The following MACROD2 variants were observed in gnomAD, a reference collection of about 807,000 sequenced individuals.
MACROD2 encodes mono-ADP ribosylhydrolase 2.
Under a neutral mutation model 70.4 loss-of-function variants are expected in MACROD2, and 36 were observed. The observed-to-expected ratio is 0.51, with a 90% CI of 0.39 to 0.68. The LOEUF is 0.68. Ranked by LOEUF, MACROD2 falls within the 30% of genes least tolerant of loss-of-function variation. The pLI is 0.00. For missense variants in MACROD2, 496 were observed against 538.4 expected (o/e 0.92, Z 0.78); for synonymous variants, 172 against 178.8 (o/e 0.96, Z 0.30).
chr20:15,348,346 G>A (rs1159224819), intron 6 of MACROD2, among the ~76,000 whole-genome samples: 1 of 152,178 alleles, frequency 6.6e-6, no homozygotes, highest in Non-Finnish European at 1.5e-5. Context: ...TAGCATTGTT[G>A]TAATAATGCA....
chr20:15,397,133 G>A (rs1157914201), intron 6 of MACROD2, among the ~76,000 whole-genome samples: 1 of 152,120 alleles, frequency 6.6e-6, no homozygotes, highest in African/African-American at 2.4e-5. Flanking sequence ...ACTTTCCATA[G>A]CAAATTCCAG....
intron 5 of MACROD2, among the ~76,000 whole-genome samples, chr20:15,115,558 TAA>T (rs1383200722): frequency 6.6e-6 from 1 of 152,154 alleles, no homozygotes; most frequent in Non-Finnish European, 1.5e-5. Flanking sequence ...TTCTCATCAC[TAA>T]GTGTTACCCA....
intron 3 of MACROD2, among the ~76,000 whole-genome samples, chr20:14,409,967 T>C (rs4814300): frequency 0.99 from 150,040 of 152,192 alleles, 73,999 homozygotes; most frequent in Middle Eastern, 1. Flanking sequence ...TGAAAGTTTT[T>C]ATTTGCAAGT....
chr20:15,653,658 T>A (rs1277287473), intron 8 of MACROD2, among the ~76,000 whole-genome samples: 1 of 152,184 alleles, frequency 6.6e-6, no homozygotes, highest in Non-Finnish European at 1.5e-5. Flanking sequence ...CTATGACTGC[T>A]GTTGGTCAGG....
intron 5 of MACROD2, among the ~76,000 whole-genome samples, chr20:14,802,239 A>G (rs891476068): frequency 1.3e-5 from 2 of 152,124 alleles, no homozygotes; most frequent in Non-Finnish European, 2.9e-5. Context: ...CATAGAAGGC[A>G]GGAATCTAGT....
chr20:14,540,134 TAA>T (rs1027099686), intron 4 of MACROD2, among the ~76,000 whole-genome samples: 1 of 152,216 alleles, frequency 6.6e-6, no homozygotes, highest in African/African-American at 2.4e-5. Flanking sequence ...CATCATTTTA[TAA>T]AGAGTCCCAA....
Position 15,829,798 on chromosome 20 carries a change from A to G in MACROD2, c.646-32947A>G, listed in dbSNP as rs962211264. On this transcript the variant is annotated intron_variant, in intron 8 of 17. Coordinates refer to ENST00000684519, the MANE Select transcript of MACROD2 (RefSeq NM_001351661.2). ...CAGGTGAATGAAAAATTGCAAAACA[A>G]TATGATAAGTGTTACAGCTGAGCTA... Among the ~76,000 whole-genome samples the G allele has an allele frequency of 3.3e-5, 5 of 152,260 alleles. No individual in the cohort carries two copies. In the East Asian group the frequency reaches 5.8e-4, roughly 18 times the overall value.
At chr20:14,861,691 G>C (rs1052664035) in intron 5 of MACROD2, among the ~76,000 whole-genome samples, 6 of 151,578 alleles carry the variant, frequency 4.0e-5, no homozygotes, top group Admixed American at 1.3e-4. Context: ...CCAGGAATTA[G>C]AAGGAAGGGC....
At chr20:15,602,002 T>G (rs1346006393) in intron 8 of MACROD2, among the ~76,000 whole-genome samples, 1 of 150,878 alleles carries the variant, frequency 6.6e-6, no homozygotes, top group Non-Finnish European at 1.5e-5. Flanking sequence ...CACTCCAGCC[T>G]GGACAACAGA....
At chr20:14,730,395 A>G (rs1057138279) in intron 5 of MACROD2, among the ~76,000 whole-genome samples, 2 of 152,182 alleles carry the variant, frequency 1.3e-5, no homozygotes, top group African/African-American at 4.8e-5. Context: ...CTGAGAAAGG[A>G]CGACTCACCC....
At chr20:15,402,962 GT>G (rs1240688982) in intron 6 of MACROD2, among the ~76,000 whole-genome samples, 1 of 151,304 alleles carries the variant, frequency 6.6e-6, no homozygotes, top group African/African-American at 2.4e-5. Context: ...GTTTTGTTTT[GT>G]TTTTTGTTTT....
chr20:14,540,512 AT>A (rs2123231331), intron 4 of MACROD2, among the ~76,000 whole-genome samples: 1 of 152,252 alleles, frequency 6.6e-6, no homozygotes, highest in South Asian at 2.1e-4. Context: ...TATATTTCTA[AT>A]TTCCATATAT....
chr20:14,291,845 A>G (rs979595687), intron 3 of MACROD2, among the ~76,000 whole-genome samples: 1 of 151,814 alleles, frequency 6.6e-6, no homozygotes, highest in African/African-American at 2.4e-5. Flanking sequence ...CTCCTTACCT[A>G]TTACGTATCT....
chr20:15,216,176 T>C (rs2076808477), intron 5 of MACROD2, among the ~76,000 whole-genome samples: 2 of 152,130 alleles, frequency 1.3e-5, no homozygotes. Context: ...TAATTGTACA[T>C]TTTAATATAA....
chr20:14,805,265 T>G (rs2072625099), intron 5 of MACROD2, among the ~76,000 whole-genome samples: 1 of 152,140 alleles, frequency 6.6e-6, no homozygotes, highest in African/African-American at 2.4e-5. Context: ...CAGGCAGTCC[T>G]GGCATGTATG....
intron 6 of MACROD2, among the ~76,000 whole-genome samples, chr20:15,317,152 A>G (rs1390183398): frequency 6.6e-6 from 1 of 152,074 alleles, no homozygotes; most frequent in Non-Finnish European, 1.5e-5. Flanking sequence ...AAAGTAGAAA[A>G]CAATAAGCAA....
In MACROD2 at chr20:16,028,385, ATT is replaced by A. The variant is rs11483358; in HGVS notation, c.1154-12803_1154-12802del. Among the ~76,000 whole-genome samples, 355 of 146,536 alleles carry A rather than the reference ATT, an allele frequency of 2.4e-3. 2 individuals carry two copies. Among genetic ancestry groups the A allele is most frequent in the Admixed American group, 4.7e-3 (70 of 14,810 alleles). ...ATAGGCATTGAAGTACCTGGTGGAC[ATT>A]TTTTTTTTTTTTGCTCTTCTTCCTA... is the stretch of plus-strand genomic sequence containing the variant. On this transcript the variant is annotated intron_variant, in intron 15 of 17. Transcript: ENST00000684519.
chr20:15,166,634 C>T (rs2076386131), intron 5 of MACROD2, among the ~76,000 whole-genome samples: 1 of 151,674 alleles, frequency 6.6e-6, no homozygotes, highest in Non-Finnish European at 1.5e-5. Flanking sequence ...TAAAATACAA[C>T]AATCTATGCA....
In MACROD2 at chr20:15,229,940, A is replaced by T. The variant is rs771053047; in HGVS notation, c.419A>T (p.Tyr140Phe). 6 of 1,605,636 alleles carry T rather than the reference A, an allele frequency of 3.7e-6. No individual in the cohort carries two copies. The highest frequency in any genetic ancestry group is 5.1e-6 in the Non-Finnish European group (6 of 1,176,938). ...ITCGYDLPAK[Y>F]VIHTVGPIAR... ...TTTTTCCTTCCTTTTGTATTTACAG[A>T]TGTCATCCATACTGTAGGGCCAATA... Residue 140 changes from tyrosine to phenylalanine, a missense_variant and splice_region_variant, in exon 6 of 18, where the codon TAT becomes TTT. Coordinates refer to ENST00000684519, the MANE Select transcript of MACROD2 (RefSeq NM_001351661.2).
Sources: allele counts gnomAD v4.1 joint callset (sites outside exome capture counted in the v4.1 genomes callset), GRCh38; gene constraint gnomAD v4.1.1; transcripts MANE v1.5; gene names NCBI Gene and HGNC (gene_info 2026-07-23, HGNC 2026-07-21).